Variants in STXBP4 observed in about 807,000 individuals in gnomAD.
The protein encoded by STXBP4 is syntaxin-binding protein 4.
In STXBP4, 55 loss-of-function variants were observed where a neutral mutation model predicts 76.1. The observed-to-expected ratio is 0.72, with a 90% confidence interval of 0.58 to 0.91. The LOEUF is 0.91. Among genes scored for constraint, STXBP4 ranks in the 40% least tolerant of loss-of-function variants. The pLI is 0.00. For missense variants in STXBP4, 618 were observed against 636.9 expected (o/e 0.97, Z 0.32); for synonymous variants, 201 against 220.2 (o/e 0.91, Z 0.77).
At chr17:55,141,457 C>G in intron 17 of STXBP4, 90 bp downstream of exon 17, 1 of 1,154,662 alleles carries the variant, frequency 8.7e-7, no homozygotes, top group Middle Eastern at 2.0e-4. Flanking sequence ...AACTAAGAAA[C>G]CTTCTTGGAG....
At chr17:55,004,791 G>T (rs896366377) in intron 7 of STXBP4, among the ~76,000 whole-genome samples, 68 of 152,056 alleles carry the variant, frequency 4.5e-4, no homozygotes, top group African/African-American at 1.5e-3. Context: ...AGAAGGAAAA[G>T]AAGTGGGGAG....
chr17:54,988,540 G>A (rs1429603234), intron 3 of STXBP4, among the ~76,000 whole-genome samples: 2 of 152,110 alleles, frequency 1.3e-5, no homozygotes, highest in African/African-American at 2.4e-5. Flanking sequence ...TTGGGAGGCC[G>A]AGGCGGGTGG....
chr17:55,077,812 A>C (rs2079202226), intron 13 of STXBP4, among the ~76,000 whole-genome samples: 1 of 152,038 alleles, frequency 6.6e-6, no homozygotes. Context: ...AAAACAAAAC[A>C]AAACCATAAA....
At chr17:54,977,435 ATAAG>A (rs2077488914) in intron 1 of STXBP4, among the ~76,000 whole-genome samples, 1 of 152,192 alleles carries the variant, frequency 6.6e-6, no homozygotes, top group Non-Finnish European at 1.5e-5. Context: ...GTTTTGTATT[ATAAG>A]TAATCTAGGG....
intron 7 of STXBP4, among the ~76,000 whole-genome samples, chr17:55,002,527 C>T (rs780896760): frequency 2.0e-5 from 3 of 152,156 alleles, no homozygotes; most frequent in Non-Finnish European, 4.4e-5. Context: ...TATCAAGCAG[C>T]TACTATTTGC....
At chr17:55,158,810 G>GC (rs887980418) in intron 17 of STXBP4, among the ~76,000 whole-genome samples, 19 of 152,302 alleles carry the variant, frequency 1.2e-4, no homozygotes, top group African/African-American at 4.3e-4. Context: ...AAATAGGAAG[G>GC]CCTAAAAATA....
At chr17:55,023,964 A>G (rs1598220978) in intron 8 of STXBP4, among the ~76,000 whole-genome samples, 1 of 151,384 alleles carries the variant, frequency 6.6e-6, no homozygotes, top group South Asian at 2.1e-4. Context: ...AAATGCTCCA[A>G]CCCAAGGAAA....
intron 8 of STXBP4, chr17:55,030,894 T>C: frequency 3.6e-6 from 1 of 279,244 alleles, no homozygotes; most frequent in Non-Finnish European, 6.9e-6. Context: ...TCATATAAAC[T>C]AAGAAATAGT....
chr17:55,162,950 A>G lies in STXBP4; in HGVS notation c.*3039A>G, dbSNP rs1156549342. 1 of 152,236 alleles carries G rather than the reference A, an allele frequency of 6.6e-6. No individual in the cohort carries two copies. The highest frequency in any genetic ancestry group is 1.5e-5 in the Non-Finnish European group (1 of 68,036). The allele number at this position is 152,236 out of a possible 1,614,324, so 9.4% of individuals were successfully genotyped here. On this transcript the variant is annotated 3_prime_UTR_variant, in exon 18 of 18. Transcript: ENST00000376352. Reference sequence around the variant, plus strand: ...TGTTTTAAGTTTTCTTATTGCTAACAATGTCACAGTGAACATTTATATATT... The same window carrying G: ...TGTTTTAAGTTTTCTTATTGCTAACGATGTCACAGTGAACATTTATATATT...
the STXBP4 span, among the ~76,000 whole-genome samples, chr17:55,203,426 G>A: frequency 1.3e-5 from 2 of 152,236 alleles, no homozygotes; most frequent in South Asian, 4.1e-4. Context: ...AAAAACGACA[G>A]CTACATAATA....
At chr17:55,075,002 A>G (rs2144883101) in intron 13 of STXBP4, among the ~76,000 whole-genome samples, 1 of 152,150 alleles carries the variant, frequency 6.6e-6, no homozygotes, top group South Asian at 2.1e-4. Context: ...TTGTAACAGT[A>G]CATTTATTTT....
Position 55,031,024 on chromosome 17 carries a change from A to G in STXBP4, c.667-144A>G, listed in dbSNP as rs990077754. 1.2e-5 allele frequency: 7 copies of G among 586,328 alleles called. No individual in the cohort carries two copies. The Admixed American group carries it at 1.2e-4, about 10-fold the overall frequency. The allele number at this position is 586,328 out of a possible 1,614,324, so 36.3% of individuals were successfully genotyped here. ...AATCTTCAATAGGCACTTAATCCATAAAGAGCTGACTTCCCTTGGGTGTTT... is the reference window on the plus strand; with the variant it reads ...AATCTTCAATAGGCACTTAATCCATGAAGAGCTGACTTCCCTTGGGTGTTT... On this transcript the variant is annotated intron_variant, in intron 8 of 17. Transcript: ENST00000376352.
intron 16 of STXBP4, among the ~76,000 whole-genome samples, chr17:55,129,149 C>T (rs1293348386): frequency 1.3e-5 from 2 of 151,210 alleles, no homozygotes; most frequent in East Asian, 2.0e-4. Context: ...AGGATGGTCT[C>T]GATCTCTTCA....
intron 12 of STXBP4, among the ~76,000 whole-genome samples, chr17:55,047,850 A>G (rs980914728): frequency 9.9e-5 from 15 of 151,920 alleles, no homozygotes; most frequent in Admixed American, 5.9e-4. Context: ...CACAGCCTTT[A>G]AAGTACATAT....
rs113087507 is a variant in STXBP4 at position 55,034,243 on chromosome 17, A to G, written c.839A>G (p.Asn280Ser). ...EVNVGAHEIS[N>S]ILDSQLLPCD... ...AATGTTGGTGCACATGAAATTTCCA[A>G]TATATTAGATTCACAGGTAGAGTAT... Residue 280 changes from asparagine to serine, a missense_variant, in exon 10 of 18, where the codon AAT (asparagine) becomes AGT (serine). Asn to Ser is a conservative substitution (Grantham distance 46). Coordinates refer to ENST00000376352, the MANE Select transcript of STXBP4 (RefSeq NM_178509.6). 162 of 1,611,474 alleles carry G rather than the reference A, an allele frequency of 1.0e-4. 1 individual carries two copies. In the Middle Eastern group the frequency reaches 1.2e-3, roughly 12 times the overall value.
At chr17:55,032,944 C>G (rs947982615) in intron 9 of STXBP4, among the ~76,000 whole-genome samples, 1 of 152,088 alleles carries the variant, frequency 6.6e-6, no homozygotes, top group Non-Finnish European at 1.5e-5. Flanking sequence ...GTGCCCGATT[C>G]TTAAATATGA....
chr17:55,091,080 G>A (rs545090314), intron 16 of STXBP4, among the ~76,000 whole-genome samples: 7 of 152,228 alleles, frequency 4.6e-5, no homozygotes, highest in African/African-American at 1.7e-4. Flanking sequence ...GAATCCTTCT[G>A]TAGAGAATAT....
At chr17:55,184,476 C>A in the STXBP4 span, among the ~76,000 whole-genome samples, 1 of 152,204 alleles carries the variant, frequency 6.6e-6, no homozygotes, top group African/African-American at 2.4e-5. Context: ...TCTTCCTTTT[C>A]TCCAAGGTAA....
At chr17:55,135,133 A>C (rs949196769) in intron 16 of STXBP4, among the ~76,000 whole-genome samples, 1 of 152,162 alleles carries the variant, frequency 6.6e-6, no homozygotes, top group Non-Finnish European at 1.5e-5. Flanking sequence ...TAACTGGTGT[A>C]GTATATGTTG....
Sources: allele counts gnomAD v4.1 joint callset (sites outside exome capture counted in the v4.1 genomes callset), GRCh38; gene constraint gnomAD v4.1.1; transcripts MANE v1.5; gene names NCBI Gene and HGNC (gene_info 2026-07-23, HGNC 2026-07-21).